Variants in CERKL observed in about 807,000 individuals in gnomAD.
CERKL encodes the protein ceramide kinase-like protein.
Under a neutral mutation model 63.4 loss-of-function variants are expected in CERKL, and 61 were observed. That is an observed-to-expected ratio of 0.96 (90% CI 0.78 to 1.19). The LOEUF (loss-of-function observed/expected upper bound fraction) is 1.19, where lower values mean the gene tolerates loss of function less well. Ranked by LOEUF, CERKL falls within the 50% of genes most tolerant of loss-of-function variation. The pLI is 0.00. For synonymous variants in CERKL, 250 were observed against 230.5 expected (o/e 1.08, Z -0.77); for missense variants, 675 against 655.5 (o/e 1.03, Z -0.33).
chr2:181,571,128 G>A (rs914963943), intron 3 of CERKL, among the ~76,000 whole-genome samples: 2 of 152,038 alleles, frequency 1.3e-5, no homozygotes, highest in Non-Finnish European at 2.9e-5. Flanking sequence ...AAGATAGGCA[G>A]GAAGACTAAA....
At chr2:181,626,457 C>T (rs1180733860) in intron 1 of CERKL, among the ~76,000 whole-genome samples, 1 of 152,156 alleles carries the variant, frequency 6.6e-6, no homozygotes, top group African/African-American at 2.4e-5. Flanking sequence ...TGCCACATGC[C>T]TAATTGTACA....
chr2:181,580,622 T>G (rs1332314147), intron 2 of CERKL, among the ~76,000 whole-genome samples: 1 of 152,196 alleles, frequency 6.6e-6, no homozygotes, highest in African/African-American at 2.4e-5. Context: ...ATGTAGGCTT[T>G]AAAATGTGAT....
intron 2 of CERKL, among the ~76,000 whole-genome samples, chr2:181,597,351 C>A (rs1685262135): frequency 1.3e-5 from 2 of 152,158 alleles, no homozygotes; most frequent in African/African-American, 4.8e-5. Flanking sequence ...GAATTTAATA[C>A]AAACTAGTTT....
intron 2 of CERKL, among the ~76,000 whole-genome samples, chr2:181,589,464 C>T (rs192218197): frequency 6.6e-4 from 101 of 152,244 alleles, no homozygotes; most frequent in Middle Eastern, 3.4e-3. Flanking sequence ...AAGTATTCAA[C>T]GTCATGAAGC....
In CERKL at chr2:181,616,858, A is replaced by T. The variant is rs1350257320; in HGVS notation, c.239-12779T>A. Among the ~76,000 whole-genome samples the T allele has an allele frequency of 9.9e-5, 15 of 152,224 alleles. 1 individual carries two copies. The highest frequency in any genetic ancestry group is 9.2e-4 in the Admixed American group (14 of 15,286). ...TTTTATATAAACAAATATTCAGGAGAAATTGGTGAATTAAGTAAATCTTTT... is the reference window on the plus strand; with the variant it reads ...TTTTATATAAACAAATATTCAGGAGTAATTGGTGAATTAAGTAAATCTTTT... On this transcript the variant is annotated intron_variant, in intron 1 of 12. Transcript: ENST00000410087.
At chr2:181,632,139 A>C (rs926561712) in intron 1 of CERKL, among the ~76,000 whole-genome samples, 2 of 152,210 alleles carry the variant, frequency 1.3e-5, no homozygotes, top group African/African-American at 4.8e-5. Flanking sequence ...TAAAATTCTC[A>C]ACCTTACATT....
intron 1 of CERKL, among the ~76,000 whole-genome samples, chr2:181,643,931 G>A (rs1200619710): frequency 6.6e-6 from 1 of 152,176 alleles, no homozygotes; most frequent in Non-Finnish European, 1.5e-5. Context: ...TGACTCTTCT[G>A]CTTTAATCGA....
chr2:181,578,977 T>C lies in CERKL; in HGVS notation c.482-5093A>G, dbSNP rs760169363. Among the ~76,000 whole-genome samples the C allele has an allele frequency of 5.3e-5, 8 of 152,118 alleles. No homozygotes were observed. In the South Asian group the frequency reaches 1.2e-3, roughly 24 times the overall value. ...GTACTCTTAAGGTTTTATCATATAG[T>C]GTTAAATCACTCACTACAGAAACAG... On this transcript the variant is annotated intron_variant, in intron 2 of 12. Transcript: ENST00000410087.
chr2:181,637,206 C>T (rs1687217250), intron 1 of CERKL, among the ~76,000 whole-genome samples: 1 of 152,042 alleles, frequency 6.6e-6, no homozygotes, highest in African/African-American at 2.4e-5. Flanking sequence ...CAAAATTGCA[C>T]AACCCTTTTG....
intron 1 of CERKL, among the ~76,000 whole-genome samples, chr2:181,624,679 T>C (rs1248300733): frequency 6.6e-5 from 10 of 151,786 alleles, no homozygotes; most frequent in Admixed American, 6.6e-4. Context: ...TGCTCAAGCG[T>C]GGATATATTT....
intron 1 of CERKL, among the ~76,000 whole-genome samples, chr2:181,647,535 C>T (rs940884526): frequency 6.6e-6 from 1 of 152,264 alleles, no homozygotes; most frequent in East Asian, 1.9e-4. Flanking sequence ...GACGAAACTA[C>T]ACAGAGACCA....
At chr2:181,577,356 T>C (rs1013976601) in intron 2 of CERKL, among the ~76,000 whole-genome samples, 74 of 152,138 alleles carry the variant, frequency 4.9e-4, no homozygotes, top group African/African-American at 1.8e-3. Context: ...GCTTCAACAC[T>C]GAGAACTTTT....
rs932085756 is a variant in CERKL at position 181,656,655 on chromosome 2, G to A, written c.238+114C>T. ...GTCCGGGCAGTGAGGCGAGCACGGGGAGGGGAGGCGAGAAAAGGGGAGGGT... is the reference window on the plus strand; with the variant it reads ...GTCCGGGCAGTGAGGCGAGCACGGGAAGGGGAGGCGAGAAAAGGGGAGGGT... On this transcript the variant is annotated intron_variant, in intron 1 of 12. Coordinates refer to ENST00000410087, the MANE Select transcript of CERKL (RefSeq NM_201548.5). The A allele has an allele frequency of 1.5e-5, 14 of 903,596 alleles. No homozygotes were observed. The Admixed American group carries it at 3.1e-4, about 20-fold the overall frequency. 56.0% of individuals were successfully genotyped at this position (903,596 alleles called of 1,614,324 possible).
intron 1 of CERKL, among the ~76,000 whole-genome samples, chr2:181,648,411 A>T (rs1007689140): frequency 1.3e-5 from 2 of 152,164 alleles, no homozygotes; most frequent in African/African-American, 4.8e-5. Context: ...AAGAACAAAA[A>T]AAAACGAGTC....
intron 1 of CERKL, among the ~76,000 whole-genome samples, chr2:181,643,572 G>T (rs1687539995): frequency 6.6e-6 from 1 of 152,228 alleles, no homozygotes; most frequent in African/African-American, 2.4e-5. Context: ...AAATGGCAAT[G>T]GTAAGAATTG....
intron 5 of CERKL, among the ~76,000 whole-genome samples, chr2:181,556,534 G>C (rs1222863878): frequency 6.6e-6 from 1 of 151,996 alleles, no homozygotes; most frequent in Non-Finnish European, 1.5e-5. Context: ...GAGAATGATG[G>C]TTTCCAGCTT....
chr2:181,576,469 T>C (rs952902518), intron 2 of CERKL, among the ~76,000 whole-genome samples: 8 of 152,230 alleles, frequency 5.3e-5, no homozygotes, highest in Non-Finnish European at 1.0e-4. Flanking sequence ...GTCCTTTAAC[T>C]ATGAAAGACT....
intron 2 of CERKL, among the ~76,000 whole-genome samples, chr2:181,593,748 T>C (rs138083082): frequency 6.6e-6 from 1 of 151,878 alleles, no homozygotes; most frequent in East Asian, 1.9e-4. Flanking sequence ...TCAACCTGCA[T>C]AGCCCATTGA....
intron 4 of CERKL, among the ~76,000 whole-genome samples, chr2:181,560,210 C>A (rs1688379207): frequency 6.6e-6 from 1 of 152,142 alleles, no homozygotes; most frequent in Non-Finnish European, 1.5e-5. Flanking sequence ...ACCCTCAATC[C>A]ATGGCTGTCT....
Sources: gnomAD v4.1 joint callset for allele counts (sites outside exome capture counted in the v4.1 genomes callset) on GRCh38, gnomAD v4.1.1 for gene constraint, MANE v1.5 for transcripts, NCBI Gene and HGNC (gene_info 2026-07-23, HGNC 2026-07-21) for gene names.